FGGY: variants seen among roughly 807,000 people sequenced by gnomAD.
The protein encoded by FGGY is FGGY carbohydrate kinase domain containing, also known as FGGY carbohydrate kinase domain-containing protein.
FGGY carries 72 observed loss-of-function variants against 71.3 expected under a neutral mutation model. The ratio of observed to expected loss-of-function variants is 1.01; its 90% CI spans 0.84 to 1.23. The LOEUF is 1.23. Ranked by LOEUF, FGGY falls within the 50% of genes most tolerant of loss-of-function variation. The probability of loss-of-function intolerance (pLI) is 0.00; values close to 1 mark genes in which losing one functional copy is unlikely to be tolerated. For missense variants in FGGY, 668 were observed against 682.3 expected (o/e 0.98, Z 0.23); for synonymous variants, 251 against 250.3 (o/e 1.00, Z -0.02).
chr1:59,452,208 A>G (rs2072912575), intron 5 of FGGY, among the ~76,000 whole-genome samples: 2 of 151,928 alleles, frequency 1.3e-5, no homozygotes, highest in South Asian at 2.1e-4. Flanking sequence ...CATTATGTCA[A>G]TCTCTTTGTA....
intron 5 of FGGY, among the ~76,000 whole-genome samples, chr1:59,386,310 G>A (rs2060065624): frequency 6.6e-6 from 1 of 152,086 alleles, no homozygotes; most frequent in East Asian, 1.9e-4. Context: ...CAGTTTTGAA[G>A]TGTATTGGTC....
chr1:59,315,040 G>A (rs2045162317), intron 1 of FGGY, among the ~76,000 whole-genome samples: 1 of 152,144 alleles, frequency 6.6e-6, no homozygotes. Flanking sequence ...TTGGTACTGG[G>A]GCTCTTGAGG....
At chr1:59,406,668 C>G (rs2062808265) in intron 5 of FGGY, among the ~76,000 whole-genome samples, 1 of 152,110 alleles carries the variant, frequency 6.6e-6, no homozygotes, top group African/African-American at 2.4e-5. Flanking sequence ...GAACCTAGCC[C>G]TGTATTTCCC....
chr1:59,396,949 G>A (rs1571586571), intron 5 of FGGY, among the ~76,000 whole-genome samples: 1 of 151,956 alleles, frequency 6.6e-6, no homozygotes, highest in Non-Finnish European at 1.5e-5. Context: ...ATTCCACAAT[G>A]GCTGGTATTC....
intron 7 of FGGY, among the ~76,000 whole-genome samples, chr1:59,520,575 C>T (rs753668054): frequency 1.2e-4 from 19 of 152,158 alleles, no homozygotes; most frequent in Non-Finnish European, 2.8e-4. Context: ...ATCATGTTCA[C>T]GTTTGTATGC....
In FGGY at chr1:59,660,277, C is replaced by G. The variant is rs1388800784; in HGVS notation, c.1280C>G (p.Thr427Arg). 1.2e-6 allele frequency: 2 copies of G among 1,613,072 alleles called. No homozygotes were observed. The highest frequency in any genetic ancestry group is 2.7e-5 in the African/African-American group (2 of 74,926). ...LDDLAILYLA[T>R]VQAIALGTRF... The stretch of plus-strand genomic sequence containing the variant: ...GATCTTGCCATTCTCTACCTGGCCA[C>G]AGTTCAAGCCATTGCTGTAAGATAC... Residue 427 changes from threonine (T) to arginine (R), a missense_variant, in exon 12 of 16, where the codon ACA becomes AGA. Physicochemically the swap from Thr to Arg is moderately conservative, Grantham distance 71 (BLOSUM62 -1). Coordinates refer to ENST00000303721, the MANE Select transcript of FGGY (RefSeq NM_018291.5).
At chr1:59,433,006 A>G (rs1244083544) in intron 5 of FGGY, among the ~76,000 whole-genome samples, 1 of 152,236 alleles carries the variant, frequency 6.6e-6, no homozygotes, top group African/African-American at 2.4e-5. Context: ...CAAGATTCAG[A>G]ACTTCTTGAG....
At chr1:59,327,879 C>T (rs1237375458) in intron 2 of FGGY, among the ~76,000 whole-genome samples, 1 of 152,146 alleles carries the variant, frequency 6.6e-6, no homozygotes, top group Non-Finnish European at 1.5e-5. Flanking sequence ...AGGAGTAACA[C>T]TTTGAAAGGA....
At chr1:59,383,102 T>C (rs2059671134) in intron 5 of FGGY, among the ~76,000 whole-genome samples, 1 of 152,220 alleles carries the variant, frequency 6.6e-6, no homozygotes, top group African/African-American at 2.4e-5. Context: ...AGCATGGAGA[T>C]TGTTATACCT....
chr1:59,616,054 C>G (rs918900809), intron 9 of FGGY, among the ~76,000 whole-genome samples: 6 of 152,130 alleles, frequency 3.9e-5, no homozygotes, highest in African/African-American at 1.4e-4. Flanking sequence ...TAAACTAGTT[C>G]AACCATTGTG....
chr1:59,605,830 C>T (rs1443665713), intron 8 of FGGY, among the ~76,000 whole-genome samples: 1 of 152,088 alleles, frequency 6.6e-6, no homozygotes, highest in African/African-American at 2.4e-5. Flanking sequence ...ATCCTCTGGG[C>T]CTAGCACATT....
intron 5 of FGGY, among the ~76,000 whole-genome samples, chr1:59,451,990 C>T (rs1186787803): frequency 6.6e-6 from 1 of 151,934 alleles, no homozygotes; most frequent in African/African-American, 2.4e-5. Context: ...GACTTTTAAT[C>T]TGTGGGCTTA....
intron 1 of FGGY, among the ~76,000 whole-genome samples, chr1:59,302,252 A>C (rs1382664909): frequency 2.0e-5 from 3 of 152,168 alleles, no homozygotes; most frequent in Non-Finnish European, 4.4e-5. Flanking sequence ...GTATCAGCTA[A>C]ATACCTGACC....
chr1:59,444,930 T>C (rs2070873880), intron 5 of FGGY, among the ~76,000 whole-genome samples: 1 of 152,138 alleles, frequency 6.6e-6, no homozygotes, highest in African/African-American at 2.4e-5. Flanking sequence ...CTTTAACAGA[T>C]CTCTCCCTAT....
rs182711365 is a variant in FGGY, at chr1:59,632,320, C to A, written c.1074-5908C>A. 5.4e-3 allele frequency among the ~76,000 whole-genome samples: 814 copies of A among 152,130 alleles called. 9 individuals are homozygous for A. Among genetic ancestry groups the A allele is most frequent in the Non-Finnish European group, 5.7e-3 (390 of 68,012 alleles). The stretch of plus-strand genomic sequence containing the variant: ...AGATATAGAGCATTGGTTTCAAAGC[C>A]CTTAATGTTGTCTTTGTTGTGCTAG... On this transcript the variant is annotated intron_variant, in intron 10 of 15. Transcript: ENST00000303721.
intron 5 of FGGY, among the ~76,000 whole-genome samples, chr1:59,398,260 A>C (rs74316308): frequency 0.021 from 3,110 of 151,680 alleles, 89 homozygotes; most frequent in African/African-American, 0.071. Context: ...TTTTTTTTTG[A>C]GACATGGTTT....
chr1:59,402,316 A>G (rs2062078402), intron 5 of FGGY, among the ~76,000 whole-genome samples: 1 of 152,200 alleles, frequency 6.6e-6, no homozygotes, highest in South Asian at 2.1e-4. Context: ...AAGTGATATT[A>G]TTAGATTTCT....
intron 6 of FGGY, among the ~76,000 whole-genome samples, chr1:59,477,182 G>A (rs72915614): frequency 0.018 from 2,796 of 152,164 alleles, 96 homozygotes; most frequent in African/African-American, 0.065. Flanking sequence ...GTGACACATC[G>A]CAGCTCTTCT....
chr1:59,324,241 C>T (rs536256069), intron 2 of FGGY, among the ~76,000 whole-genome samples: 1 of 142,726 alleles, frequency 7.0e-6, no homozygotes, highest in Non-Finnish European at 1.5e-5. Context: ...TTACCCATCA[C>T]TTCATTTTAT....
Sources: gnomAD v4.1 joint callset for allele counts (sites outside exome capture counted in the v4.1 genomes callset) on GRCh38, gnomAD v4.1.1 for gene constraint, MANE v1.5 for transcripts, NCBI Gene and HGNC (gene_info 2026-07-23, HGNC 2026-07-21) for gene names.